The following RSRP1 variants were observed in gnomAD, a reference collection of about 807,000 sequenced individuals.
RSRP1 encodes the protein arginine and serine rich protein 1.
A neutral mutation model predicts 33.0 loss-of-function variants in RSRP1; 37 were observed. The ratio of observed to expected loss-of-function variants is 1.12; its 90% confidence interval spans 0.86 to 1.48. The LOEUF is 1.48. Ranked by LOEUF, RSRP1 falls within the 40% of genes most tolerant of loss-of-function variation. The probability of loss-of-function intolerance (pLI) is 0.00; values close to 1 mark genes in which losing one functional copy is unlikely to be tolerated. For missense variants in RSRP1, 402 were observed against 385.3 expected, an observed-to-expected ratio of 1.04 and a Z score of -0.36; for synonymous variants, 167 against 158.7, an observed-to-expected ratio of 1.05 and a Z score of -0.40.
chr1:25,265,499 C>G (rs1571546878), intron 1 of RSRP1, among the ~76,000 whole-genome samples: 2 of 109,956 alleles, frequency 1.8e-5, no homozygotes, highest in African/African-American at 6.3e-5. Context: ...GACAGAGTCT[C>G]ACCTGTTGCC....
intron 1 of RSRP1, among the ~76,000 whole-genome samples, chr1:25,270,523 G>C (rs1232895185): frequency 7.6e-6 from 1 of 131,634 alleles, no homozygotes; most frequent in Non-Finnish European, 1.8e-5. Flanking sequence ...CTGATGATCT[G>C]AGGTGGAACA....
At chr1:25,245,024 T>C in intron 3 of RSRP1, 126 bp downstream of exon 3, 1 of 1,578,074 alleles carries the variant, frequency 6.3e-7, no homozygotes, top group Non-Finnish European at 8.6e-7. Flanking sequence ...GATTTGCTAC[T>C]TTGAATTTAG....
chr1:25,318,382 G>C (rs528240833), intron 1 of RSRP1: 1 of 131,710 alleles, frequency 7.6e-6, no homozygotes, highest in East Asian at 2.0e-4. Flanking sequence ...GAGGTCAGGA[G>C]TTCGAGACCA....
rs1640727815 is a variant in RSRP1 at position 25,274,117 on chromosome 1, T to C, written c.-66-27088A>G. Among the ~76,000 whole-genome samples, 3 of 132,900 alleles carry C rather than the reference T, an allele frequency of 2.3e-5. 1 individual carries two copies. The South Asian group carries it at 6.9e-4, about 30-fold the overall frequency. The allele number at this position is 132,900 out of a possible 152,430, so 87.2% of individuals were successfully genotyped here. A position where few individuals can be genotyped will look rare whatever the true frequency, so the allele number is the denominator to read the frequency against. ...TCATGATGATTAGAGCTGATATTTA[T>C]GAGCACTTACTATGTACCAGGCACT... On this transcript the variant is annotated intron_variant, in intron 1 of 1. Coordinates refer to the RSRP1 transcript ENST00000561867.
chr1:25,311,098 G>C (rs151179488), intron 1 of RSRP1, among the ~76,000 whole-genome samples: 1 of 132,686 alleles, frequency 7.5e-6, no homozygotes, highest in African/African-American at 2.6e-5. Context: ...TACTGAAGTC[G>C]TTGAGATCAG....
At chr1:25,334,587 C>T (rs1341264743) in intron 1 of RSRP1, among the ~76,000 whole-genome samples, 1 of 133,470 alleles carries the variant, frequency 7.5e-6, no homozygotes, top group Admixed American at 7.2e-5. Context: ...TTCCCTTCTG[C>T]ACTGCCCTGG....
intron 1 of RSRP1, among the ~76,000 whole-genome samples, chr1:25,262,974 C>T (rs1640204533): frequency 6.6e-6 from 1 of 152,116 alleles, no homozygotes; most frequent in South Asian, 2.1e-4. Flanking sequence ...GTCAAGCTGA[C>T]ACCTAAAATT....
chr1:25,304,868 A>G (rs1219785023), intron 1 of RSRP1: 1 of 132,100 alleles, frequency 7.6e-6, no homozygotes, highest in African/African-American at 2.6e-5. Flanking sequence ...ATAGCAAGTT[A>G]TCATCAGTCT....
intron 1 of RSRP1, among the ~76,000 whole-genome samples, chr1:25,291,486 AAAAAG>A (rs1440645566): frequency 3.8e-5 from 5 of 131,126 alleles, no homozygotes; most frequent in South Asian, 2.3e-4. Flanking sequence ...AAAATAAAGA[AAAAAG>A]AAAAGAAAAG....
intron 1 of RSRP1, among the ~76,000 whole-genome samples, chr1:25,260,799 CTTTT>C (rs996988638): frequency 2.9e-5 from 4 of 140,190 alleles, no homozygotes; most frequent in South Asian, 2.2e-4. Context: ...TGTCATCTTC[CTTTT>C]TTTTTTTTTT....
rs1416160556 is a variant in RSRP1 at position 25,308,012 on chromosome 1, G to T, written c.-67+29966C>A. 3.3e-5 allele frequency among the ~76,000 whole-genome samples: 3 copies of T among 91,650 alleles called. 1 individual carries two copies. Among genetic ancestry groups the T allele is most frequent in the African/African-American group, 1.0e-4 (3 of 29,060 alleles). 60.1% of individuals were successfully genotyped at this position (91,650 alleles called of 152,430 possible). The stretch of plus-strand genomic sequence containing the variant: ...CTAGCAAGGTCCTACTCACATGCCT[G>T]TAGAGAACAGGCAGGGGAAGTTAGA... On this transcript the variant is annotated intron_variant, in intron 1 of 1. Coordinates refer to the RSRP1 transcript ENST00000561867.
rs1276371617 is a variant in RSRP1 at position 25,331,126 on chromosome 1, C to T, written c.-67+6852G>A. Among the ~76,000 whole-genome samples, 36 of 127,612 alleles carry T rather than the reference C, an allele frequency of 2.8e-4. 4 individuals are homozygous for T. Among genetic ancestry groups the T allele is most frequent in the African/African-American group, 8.8e-4 (33 of 37,440 alleles). The allele number at this position is 127,612 out of a possible 152,430, so 83.7% of individuals were successfully genotyped here. Reference sequence around the variant, plus strand: ...GGGACTACAGGTGCCCACCATCATGCCTGGCTAATTTTTGTATTTTTAGTA... The same window carrying T: ...GGGACTACAGGTGCCCACCATCATGTCTGGCTAATTTTTGTATTTTTAGTA... On this transcript the variant is annotated intron_variant, in intron 1 of 1. Transcript: ENST00000561867.
At chr1:25,256,566 C>G (rs1038939633) in intron 1 of RSRP1, among the ~76,000 whole-genome samples, 4 of 152,140 alleles carry the variant, frequency 2.6e-5, no homozygotes, top group African/African-American at 9.7e-5. Context: ...AGGTGATCCT[C>G]CTACCTCAGC....
rs1557534285 is a variant in RSRP1 at position 25,295,849 on chromosome 1, A to AGTTTT, written c.-67+42128_-67+42129insAAAAC. Among the ~76,000 whole-genome samples, 4 of 33,728 alleles carry AGTTTT rather than the reference A, an allele frequency of 1.2e-4. 1 individual carries two copies. The highest frequency in any genetic ancestry group is 7.0e-4 in the Admixed American group (2 of 2,860). The allele number at this position is 33,728 out of a possible 152,430, so 22.1% of individuals were successfully genotyped here. A position where few individuals can be genotyped will look rare whatever the true frequency, so the allele number is the denominator to read the frequency against. The stretch of plus-strand genomic sequence containing the variant: ...CAATGGTCTGGGAGGGAATATGGGA[A>AGTTTT]ATTTTTTTTTTTTTTTTTTTTTTTT... On this transcript the variant is annotated intron_variant, in intron 1 of 1. Transcript: ENST00000561867.
chr1:25,282,765 G>A lies in RSRP1; in HGVS notation c.-66-35736C>T, dbSNP rs1244371484. ...AAATTAGCCAGGCGTGGTGGCGCGC[G>A]CCTGTGGTTCCCACTGAAGCACAGG... is the stretch of plus-strand genomic sequence containing the variant. On this transcript the variant is annotated intron_variant, in intron 1 of 1. Transcript: ENST00000561867. Among the ~76,000 whole-genome samples, 18 of 130,240 alleles carry A rather than the reference G, an allele frequency of 1.4e-4. 2 individuals are homozygous for A. Among genetic ancestry groups the A allele is most frequent in the African/African-American group, 4.5e-4 (17 of 38,168 alleles). 85.4% of individuals were successfully genotyped at this position (130,240 alleles called of 152,430 possible). A position where few individuals can be genotyped will look rare whatever the true frequency, so the allele number is the denominator to read the frequency against.
chr1:25,281,362 C>A lies in RSRP1; in HGVS notation c.-66-34333G>T, dbSNP rs1187118925. ...CCCCTCACAGGCTCTCTCTGGTCCC[C>A]TTCTGTAAAATGAGAGGAAAATGGA... On this transcript the variant is annotated intron_variant, in intron 1 of 1. Coordinates refer to the RSRP1 transcript ENST00000561867. Among the ~76,000 whole-genome samples, 13 of 131,276 alleles carry A rather than the reference C, an allele frequency of 9.9e-5. 2 individuals are homozygous for A. Among genetic ancestry groups the A allele is most frequent in the African/African-American group, 3.4e-4 (13 of 37,732 alleles). The allele number at this position is 131,276 out of a possible 152,430, so 86.1% of individuals were successfully genotyped here.
At chr1:25,299,190 TG>T (rs1451827668) in intron 1 of RSRP1, among the ~76,000 whole-genome samples, 1 of 127,016 alleles carries the variant, frequency 7.9e-6, no homozygotes, top group East Asian at 2.0e-4. Flanking sequence ...GAGACCAGGC[TG>T]GGGAACATGG....
chr1:25,256,330 AAG>A (rs1639948948), intron 1 of RSRP1, among the ~76,000 whole-genome samples: 1 of 151,964 alleles, frequency 6.6e-6, no homozygotes, highest in African/African-American at 2.4e-5. Context: ...AATTTTTAAA[AAG>A]AGTGTTTGGT....
In RSRP1 at chr1:25,299,616, T is replaced by C. The variant is rs1279206268; in HGVS notation, c.-67+38362A>G. On this transcript the variant is annotated intron_variant, in intron 1 of 1. Transcript: ENST00000561867. ...AGGATGAGCAAGTGGAGGAGGGCAATAGGAGGTGACGCCCGAGAGGTCAGG... is the reference window on the plus strand; with the variant it reads ...AGGATGAGCAAGTGGAGGAGGGCAACAGGAGGTGACGCCCGAGAGGTCAGG... Among the ~76,000 whole-genome samples the C allele has an allele frequency of 2.3e-5, 3 of 128,178 alleles. 1 individual carries two copies. Among genetic ancestry groups the C allele is most frequent in the African/African-American group, 8.0e-5 (3 of 37,268 alleles). 84.1% of individuals were successfully genotyped at this position (128,178 alleles called of 152,430 possible).
Sources: gnomAD v4.1 joint callset for allele counts (sites outside exome capture counted in the v4.1 genomes callset) on GRCh38, gnomAD v4.1.1 for gene constraint, MANE v1.5 for transcripts, NCBI Gene and HGNC (gene_info 2026-07-23, HGNC 2026-07-21) for gene names.